Variants in NBEA observed in about 807,000 individuals in gnomAD.
The protein encoded by NBEA is lysosomal-trafficking regulator 2.
In NBEA, 44 loss-of-function variants were observed where a neutral mutation model predicts 343.4. That is an observed-to-expected ratio of 0.13 (90% CI 0.10 to 0.16). The LOEUF is 0.16. NBEA is among the 10% of genes least tolerant of loss of function. The pLI, the probability that NBEA is intolerant of heterozygous loss-of-function variation, is 1.00. For missense variants in NBEA, 2,555 were observed against 3,631.3 expected (o/e 0.70, Z 7.62); for synonymous variants, 1,175 against 1,238.7 (o/e 0.95, Z 1.08).
intron 34 of NBEA, among the ~76,000 whole-genome samples, chr13:35,269,836 C>G (rs2033987120): frequency 6.6e-6 from 1 of 152,062 alleles, no homozygotes; most frequent in African/African-American, 2.4e-5. Context: ...GAAAAGCTGT[C>G]ATGAGTTAAG....
At chr13:35,573,124 T>C (rs1312755361) in intron 45 of NBEA, among the ~76,000 whole-genome samples, 1 of 152,196 alleles carries the variant, frequency 6.6e-6, no homozygotes, top group African/African-American at 2.4e-5. Flanking sequence ...CCACACTATG[T>C]TGAAAATTGT....
At chr13:35,300,311 G>A (rs74481152) in intron 35 of NBEA, among the ~76,000 whole-genome samples, 15,707 of 152,064 alleles carry the variant, frequency 0.1, 1,007 homozygotes, top group African/African-American at 0.19. Context: ...GTGACAAAGC[G>A]AGACTCTGTC....
intron 1 of NBEA, among the ~76,000 whole-genome samples, chr13:34,975,767 A>G (rs989515850): frequency 5.3e-5 from 8 of 152,216 alleles, no homozygotes; most frequent in African/African-American, 1.9e-4. Context: ...AGCTAAGGAC[A>G]TGAATAGGTA....
chr13:35,435,131 CGATTCTTCTGCTGG>C (rs2045352643), intron 39 of NBEA, among the ~76,000 whole-genome samples: 2 of 152,176 alleles, frequency 1.3e-5, no homozygotes, highest in East Asian at 3.9e-4. Flanking sequence ...TGGGTTCAAG[CGATTCTTCTGCTGG>C]GATTACAGGC....
At chr13:35,120,770 C>G (rs1593411488) in intron 16 of NBEA, among the ~76,000 whole-genome samples, 1 of 141,460 alleles carries the variant, frequency 7.1e-6, no homozygotes, top group Admixed American at 7.1e-5. Flanking sequence ...ACAGCTACCT[C>G]TCTTATATAG....
chr13:35,069,256 A>G lies in NBEA; in HGVS notation c.1240-652A>G, dbSNP rs899545961. On this transcript the variant is annotated intron_variant, in intron 8 of 58. Transcript: ENST00000379939. ...TTGCAAAGGTTAAATATTATTTATCATTATTAGATTCATATCTGCAGAGCA... is the reference window on the plus strand; with the variant it reads ...TTGCAAAGGTTAAATATTATTTATCGTTATTAGATTCATATCTGCAGAGCA... Among the ~76,000 whole-genome samples the G allele has an allele frequency of 3.9e-5, 6 of 152,170 alleles. No individual in the cohort carries two copies. In the East Asian group the frequency reaches 7.7e-4, roughly 20 times the overall value.
At chr13:34,968,592 G>A (rs898861767) in intron 1 of NBEA, among the ~76,000 whole-genome samples, 4 of 152,234 alleles carry the variant, frequency 2.6e-5, no homozygotes, top group Non-Finnish European at 4.4e-5. Context: ...GCCAATGGCC[G>A]TATAATAAAA....
At position 35,446,475 on chromosome 13, in the gene NBEA, C is replaced by T. The variant is rs138419380; in HGVS notation, c.6305-5617C>T. Among the ~76,000 whole-genome samples, 744 of 152,172 alleles carry T rather than the reference C, an allele frequency of 4.9e-3. 4 individuals carry two copies. Among genetic ancestry groups the T allele is most frequent in the Non-Finnish European group, 8.6e-3 (588 of 67,992 alleles). On this transcript the variant is annotated intron_variant, in intron 39 of 58. Coordinates refer to ENST00000379939, the MANE Select transcript of NBEA (RefSeq NM_001385012.1). ...CTATTTCTCCACATCCTCTCCAGCA[C>T]CTGTTGTTTCTAAGATATAAATGTT...
chr13:35,174,950 G>A (rs149749531), intron 27 of NBEA, among the ~76,000 whole-genome samples: 6,694 of 151,840 alleles, frequency 0.044, 171 homozygotes, highest in South Asian at 0.077. Context: ...GTGCCACCAC[G>A]CCCAGCTAAT....
intron 34 of NBEA, among the ~76,000 whole-genome samples, chr13:35,237,484 G>T (rs2075291761): frequency 6.6e-6 from 1 of 151,998 alleles, no homozygotes; most frequent in Non-Finnish European, 1.5e-5. Flanking sequence ...TCTCTAATTT[G>T]ATATGCTTTT....
intron 45 of NBEA, among the ~76,000 whole-genome samples, chr13:35,582,203 G>A (rs915506877): frequency 2.0e-4 from 31 of 151,976 alleles, no homozygotes; most frequent in Non-Finnish European, 7.4e-5. Flanking sequence ...GGAGAATGGC[G>A]TGAACCCAGG....
At chr13:35,659,579 C>G (rs1190908150) in intron 55 of NBEA, among the ~76,000 whole-genome samples, 1 of 152,078 alleles carries the variant, frequency 6.6e-6, no homozygotes, top group Non-Finnish European at 1.5e-5. Context: ...TTTTTCTAAT[C>G]ATTTTGACCA....
chr13:35,275,120 C>T (rs2034482339), intron 34 of NBEA, among the ~76,000 whole-genome samples: 1 of 152,134 alleles, frequency 6.6e-6, no homozygotes, highest in Admixed American at 6.5e-5. Context: ...TACAAGGCTA[C>T]AGTAACCAAA....
At chr13:35,137,374 C>T (rs946071893) in intron 17 of NBEA, among the ~76,000 whole-genome samples, 1 of 151,342 alleles carries the variant, frequency 6.6e-6, no homozygotes, top group Non-Finnish European at 1.5e-5. Flanking sequence ...GGCCCGAATG[C>T]AGGAGGCGGA....
At chr13:35,515,751 T>G (rs78121471) in intron 41 of NBEA, among the ~76,000 whole-genome samples, 1 of 4,496 alleles carries the variant, frequency 2.2e-4, no homozygotes, top group African/African-American at 6.5e-4. Flanking sequence ...AGTAACTGGT[T>G]TTTTTTTTTT....
chr13:35,487,817 C>T lies in NBEA; in HGVS notation c.6585+15281C>T, dbSNP rs552267682. 3.3e-5 allele frequency among the ~76,000 whole-genome samples: 5 copies of T among 152,010 alleles called. No homozygotes were observed. In the East Asian group the frequency reaches 9.7e-4, roughly 29 times the overall value. ...AGTTGAACATACTCCAGTCTTTCAG[C>T]TATTACACCTTTGGCATCTTTTAAG... On this transcript the variant is annotated intron_variant, in intron 41 of 58. Transcript: ENST00000379939.
chr13:35,520,937 A>G (rs2077684589), intron 41 of NBEA, among the ~76,000 whole-genome samples: 1 of 121,796 alleles, frequency 8.2e-6, no homozygotes, highest in South Asian at 2.3e-4. Flanking sequence ...TTCATTGAGG[A>G]AAAAATCTTT....
intron 41 of NBEA, among the ~76,000 whole-genome samples, chr13:35,544,198 A>T (rs1325822305): frequency 6.6e-6 from 1 of 152,124 alleles, no homozygotes; most frequent in Non-Finnish European, 1.5e-5. Context: ...AACCTTAGGA[A>T]CTCTAAAAAG....
At chr13:35,108,374 A>G (rs901286372) in intron 11 of NBEA, among the ~76,000 whole-genome samples, 8 of 152,026 alleles carry the variant, frequency 5.3e-5, no homozygotes, top group Non-Finnish European at 1.2e-4. Context: ...TAGCATTTTT[A>G]TCTGAAATTG....
Sources: allele counts gnomAD v4.1 joint callset (sites outside exome capture counted in the v4.1 genomes callset), GRCh38; gene constraint gnomAD v4.1.1; transcripts MANE v1.5; gene names NCBI Gene and HGNC (gene_info 2026-07-23, HGNC 2026-07-21).